The following PTPRD variants were observed in gnomAD, a reference collection of about 807,000 sequenced individuals.
PTPRD encodes the protein protein tyrosine phosphatase receptor type D.
Under a neutral mutation model 214.5 loss-of-function variants are expected in PTPRD, and 34 were observed. The ratio of observed to expected loss-of-function variants is 0.16; its 90% confidence interval spans 0.12 to 0.21. The LOEUF is 0.21. Ranked by LOEUF, PTPRD falls within the 10% of genes least tolerant of loss-of-function variation. PTPRD has a pLI of 1.00. For synonymous variants in PTPRD, 1,128 were observed against 845.7 expected, an observed-to-expected ratio of 1.33 and a Z score of -5.79; for missense variants, 2,545 against 2,398.7, an observed-to-expected ratio of 1.06 and a Z score of -1.27.
chr9:10,544,792 T>A (rs186266035), intron 2 of PTPRD, among the ~76,000 whole-genome samples: 83 of 152,342 alleles, frequency 5.4e-4, no homozygotes, highest in Non-Finnish European at 1.0e-3. Context: ...TTCACTTTAA[T>A]GCTTATCAGC....
chr9:10,282,319 G>C (rs966202239), intron 3 of PTPRD, among the ~76,000 whole-genome samples: 3 of 152,164 alleles, frequency 2.0e-5, no homozygotes, highest in African/African-American at 7.2e-5. Context: ...GAGAATGAAT[G>C]TTAATTGTTC....
intron 11 of PTPRD, among the ~76,000 whole-genome samples, chr9:8,923,562 C>T (rs867626162): frequency 1.3e-5 from 2 of 152,094 alleles, no homozygotes; most frequent in Non-Finnish European, 2.9e-5. Context: ...GTACAGAATG[C>T]TTGTGTTTAC....
At chr9:9,325,346 T>C (rs938524439) in intron 9 of PTPRD, among the ~76,000 whole-genome samples, 5 of 151,944 alleles carry the variant, frequency 3.3e-5, no homozygotes, top group African/African-American at 7.3e-5. Context: ...CTTCCATTTG[T>C]TTGTATCCTT....
chr9:8,375,328 A>G (rs1262689701), intron 39 of PTPRD, among the ~76,000 whole-genome samples: 1 of 151,990 alleles, frequency 6.6e-6, no homozygotes. Flanking sequence ...CAAACTATAC[A>G]TTTCGAGAGA....
At chr9:8,404,372 A>C (rs944645328) in intron 36 of PTPRD, among the ~76,000 whole-genome samples, 165 bp downstream of exon 36, 1 of 151,752 alleles carries the variant, frequency 6.6e-6, no homozygotes, top group Non-Finnish European at 1.5e-5. Context: ...CAGGCGATCC[A>C]CCCGCCTCAG....
At chr9:10,210,481 T>C (rs1452844872) in intron 3 of PTPRD, among the ~76,000 whole-genome samples, 2 of 151,848 alleles carry the variant, frequency 1.3e-5, no homozygotes, top group African/African-American at 4.8e-5. Context: ...AACACCAATA[T>C]TTTGTAGCTC....
chr9:9,506,032 G>A (rs1227870558), intron 8 of PTPRD, among the ~76,000 whole-genome samples: 3 of 151,150 alleles, frequency 2.0e-5, no homozygotes, highest in Non-Finnish European at 4.4e-5. Context: ...CAAGACATAG[G>A]GGCTTAAATG....
In PTPRD at chr9:9,020,286, C is replaced by T. The variant is rs181103077; in HGVS notation, c.-142-1551G>A. On this transcript the variant is annotated intron_variant, in intron 10 of 45. Coordinates refer to ENST00000381196, the MANE Select transcript of PTPRD (RefSeq NM_002839.4). ...TAGAGCATGAAATGCATGTATAAAC[C>T]ATTCAATAAATTAATGAGAGTTGGT... Among the ~76,000 whole-genome samples, 8 of 152,144 alleles carry T rather than the reference C, an allele frequency of 5.3e-5. No homozygotes were observed. In the South Asian group the frequency reaches 1.7e-3, roughly 32 times the overall value.
intron 2 of PTPRD, among the ~76,000 whole-genome samples, chr9:10,495,903 C>A (rs1357209635): frequency 6.6e-6 from 1 of 151,500 alleles, no homozygotes; most frequent in Non-Finnish European, 1.5e-5. Flanking sequence ...TATTTTACTA[C>A]CATATAGAGA....
chr9:9,305,575 A>G (rs1956875826), intron 9 of PTPRD, among the ~76,000 whole-genome samples: 1 of 152,078 alleles, frequency 6.6e-6, no homozygotes. Context: ...CTGTCTCACC[A>G]ATCACCTTTA....
chr9:8,405,859 C>A (rs1246634537), intron 35 of PTPRD, among the ~76,000 whole-genome samples: 2 of 151,988 alleles, frequency 1.3e-5, no homozygotes, highest in Non-Finnish European at 2.9e-5. Flanking sequence ...AACATACCCC[C>A]AACAGCATCA....
At chr9:10,417,571 T>G (rs568145653) in intron 2 of PTPRD, among the ~76,000 whole-genome samples, 1 of 151,858 alleles carries the variant, frequency 6.6e-6, no homozygotes, top group Admixed American at 6.6e-5. Context: ...ATAAGCATGG[T>G]AATATTTATT....
At chr9:9,779,100 A>AC (rs2098823016) in intron 5 of PTPRD, among the ~76,000 whole-genome samples, 1 of 148,816 alleles carries the variant, frequency 6.7e-6, no homozygotes. Flanking sequence ...AAAAAAAAAA[A>AC]AAAAGCAATG....
At chr9:9,836,277 T>C (rs980002918) in intron 5 of PTPRD, among the ~76,000 whole-genome samples, 1 of 152,148 alleles carries the variant, frequency 6.6e-6, no homozygotes, top group Non-Finnish European at 1.5e-5. Flanking sequence ...CTTATTTGAA[T>C]ACTTCCAGAA....
At position 8,913,925 on chromosome 9, in the gene PTPRD, C is replaced by T. The variant is rs893165429; in HGVS notation, c.-104+104772G>A. 3.9e-5 allele frequency among the ~76,000 whole-genome samples: 6 copies of T among 152,238 alleles called. No homozygotes were observed. In the South Asian group the frequency reaches 1.2e-3, roughly 32 times the overall value. On this transcript the variant is annotated intron_variant, in intron 11 of 45. Transcript: ENST00000381196. ...CTATTCAACAAATATTTACTAAGTA[C>T]TCACTTCATGCTAGCATTGTGCTAG...
intron 5 of PTPRD, among the ~76,000 whole-genome samples, chr9:9,831,120 T>G (rs553251175): frequency 6.6e-6 from 1 of 152,064 alleles, no homozygotes; most frequent in Admixed American, 6.6e-5. Context: ...GGTGTAGCAC[T>G]GATGTCGTCA....
At chr9:8,927,981 T>C (rs533467446) in intron 11 of PTPRD, among the ~76,000 whole-genome samples, 1 of 152,320 alleles carries the variant, frequency 6.6e-6, no homozygotes, top group East Asian at 1.9e-4. Flanking sequence ...TTTTTTCATA[T>C]TTGTTGGCCA....
At chr9:10,548,321 C>T (rs2060580863) in intron 2 of PTPRD, among the ~76,000 whole-genome samples, 1 of 152,048 alleles carries the variant, frequency 6.6e-6, no homozygotes, top group East Asian at 1.9e-4. Context: ...GAGAACTTGG[C>T]TATCAATCAT....
At chr9:10,528,236 G>T (rs1796076358) in intron 2 of PTPRD, among the ~76,000 whole-genome samples, 1 of 152,120 alleles carries the variant, frequency 6.6e-6, no homozygotes, top group African/African-American at 2.4e-5. Context: ...GATGCTCCAG[G>T]CAGATATCCT....
Sources: gnomAD v4.1 joint callset for allele counts (sites outside exome capture counted in the v4.1 genomes callset) on GRCh38, gnomAD v4.1.1 for gene constraint, MANE v1.5 for transcripts, NCBI Gene and HGNC (gene_info 2026-07-23, HGNC 2026-07-21) for gene names.